SLC20A2: variants seen among roughly 807,000 people sequenced by gnomAD.
The protein encoded by SLC20A2 is sodium-dependent phosphate transporter 2.
SLC20A2 carries 30 observed loss-of-function variants against 61.0 expected under a neutral mutation model. The ratio of observed to expected loss-of-function variants is 0.49; its 90% CI spans 0.37 to 0.67. The LOEUF (loss-of-function observed/expected upper bound fraction) is 0.67. Among genes scored for constraint, SLC20A2 ranks in the 30% least tolerant of loss-of-function variants. The probability of loss-of-function intolerance (pLI) is 0.00; values close to 1 mark genes in which losing one functional copy is unlikely to be tolerated. For missense variants in SLC20A2, 626 were observed against 866.4 expected (o/e 0.72, Z 3.48); for synonymous variants, 351 against 353.3 (o/e 0.99, Z 0.07).
At position 42,439,549 on chromosome 8, in the gene SLC20A2, C is replaced by A; in HGVS notation, c.835G>T (p.Ala279Ser). The change falls in exon 7 of 11, where the codon GCT becomes TCT. Residue 279 changes from alanine to serine, a missense_variant. By Grantham distance (99) the Ala-to-Ser change is moderately conservative. Transcript: ENST00000520262. ...AGCGGGATGGTGCTGTCATCATTAGCCTTGGCACCTGGTAGCTCTTTAAAT... is the reference window on the plus strand; with the variant it reads ...AGCGGGATGGTGCTGTCATCATTAGACTTGGCACCTGGTAGCTCTTTAAAT... ...PVFKELPGAK[A>S]NDDSTIPLTG... 6.2e-7 allele frequency: 1 copy of A among 1,614,206 alleles called. No homozygotes were observed. Among genetic ancestry groups the A allele is most frequent in the East Asian group, 2.2e-5 (1 of 44,880 alleles).
At chr8:42,489,843 G>C (rs1208770778) in intron 1 of SLC20A2, among the ~76,000 whole-genome samples, 1 of 152,190 alleles carries the variant, frequency 6.6e-6, no homozygotes, top group Non-Finnish European at 1.5e-5. Flanking sequence ...AAGGGTTGAA[G>C]GCAGGGTCTG....
intron 2 of SLC20A2, among the ~76,000 whole-genome samples, chr8:42,467,625 A>G (rs1366908884): frequency 6.6e-6 from 1 of 152,208 alleles, no homozygotes; most frequent in Non-Finnish European, 1.5e-5. Flanking sequence ...CCATGAAGCA[A>G]CACACACAGT....
intron 5 of SLC20A2, among the ~76,000 whole-genome samples, chr8:42,455,241 A>AAATATAT (rs1416804518): frequency 9.7e-5 from 10 of 102,572 alleles, no homozygotes; most frequent in African/African-American, 5.0e-4. Context: ...AAAAAAAAAA[A>AAATATAT]ATATATATAT....
chr8:42,435,737 G>GGCGGCAGCTCCA (rs1191054403), intron 8 of SLC20A2, among the ~76,000 whole-genome samples: 15 of 152,156 alleles, frequency 9.9e-5, no homozygotes, highest in African/African-American at 2.7e-4. Context: ...TGCAGGCTCG[G>GGCGGCAGCTCCA]GCGGCAGCTC....
intron 10 of SLC20A2, among the ~76,000 whole-genome samples, chr8:42,421,907 A>G (rs1430854880): frequency 6.6e-6 from 1 of 152,070 alleles, no homozygotes; most frequent in African/African-American, 2.4e-5. Flanking sequence ...ATTATACTGA[A>G]GCTGCCTATA....
rs1804445586 is a variant in SLC20A2 at position 42,438,050 on chromosome 8, TAAAAAAAAAAACCAAAAAAAAAAAA to T, written c.935-498_935-474del. The stretch of plus-strand genomic sequence containing the variant: ...AAAGGACATGTAATATGGTTACCAC[TAAAAAAAAAAACCAAAAAAAAAAAA>T]AAAAAAAAAAAAAACATGGAAACAT... On this transcript the variant is annotated intron_variant, in intron 7 of 10. Coordinates refer to ENST00000520262, the MANE Select transcript of SLC20A2 (RefSeq NM_001257180.2). Among the ~76,000 whole-genome samples, 4 of 15,976 alleles carry T rather than the reference TAAAAAAAAAAACCAAAAAAAAAAAA, an allele frequency of 2.5e-4. No homozygotes were observed. In the East Asian group the frequency reaches 0.016, roughly 65 times the overall value. The allele number at this position is 15,976 out of a possible 152,430, so 10.5% of individuals were successfully genotyped here.
intron 10 of SLC20A2, among the ~76,000 whole-genome samples, chr8:42,427,870 T>C (rs1585994658): frequency 6.6e-6 from 1 of 152,230 alleles, no homozygotes; most frequent in East Asian, 1.9e-4. Flanking sequence ...CTCCTGGTGC[T>C]GAGAGCTCTG....
chr8:42,532,030 T>C (rs1812365169), intron 1 of SLC20A2, among the ~76,000 whole-genome samples: 1 of 151,464 alleles, frequency 6.6e-6, no homozygotes, highest in Non-Finnish European at 1.5e-5. Context: ...GGTTTCACCA[T>C]GTTGGCCAGG....
At chr8:42,434,837 T>G (rs150920000) in intron 8 of SLC20A2, among the ~76,000 whole-genome samples, 131 of 152,270 alleles carry the variant, frequency 8.6e-4, no homozygotes, top group African/African-American at 2.9e-3. Context: ...CCTAGATGCT[T>G]CCTTTGAAAT....
At chr8:42,435,988 GC>G (rs1804218606) in intron 8 of SLC20A2, among the ~76,000 whole-genome samples, 1 of 152,096 alleles carries the variant, frequency 6.6e-6, no homozygotes, top group Non-Finnish European at 1.5e-5. Flanking sequence ...AGGTTGGGGA[GC>G]CTGTAATCCC....
At chr8:42,471,218 A>G (rs1807612178) in intron 2 of SLC20A2, 1 of 456,106 alleles carries the variant, frequency 2.2e-6, no homozygotes, top group Admixed American at 2.3e-5. Flanking sequence ...GCAAGCAGAA[A>G]AAGAATCCTG....
At chr8:42,441,925 A>C (rs1804815366) in intron 6 of SLC20A2, among the ~76,000 whole-genome samples, 1 of 151,448 alleles carries the variant, frequency 6.6e-6, no homozygotes, top group Non-Finnish European at 1.5e-5. Context: ...ATGAAGTACA[A>C]TTTATCAAGT....
At chr8:42,477,021 T>C (rs1233962099) in intron 1 of SLC20A2, among the ~76,000 whole-genome samples, 1 of 152,200 alleles carries the variant, frequency 6.6e-6, no homozygotes, top group Non-Finnish European at 1.5e-5. Flanking sequence ...GCAATCAATA[T>C]GTGGTGACTG....
At chr8:42,466,207 T>C (rs975049908) in intron 2 of SLC20A2, among the ~76,000 whole-genome samples, 1 of 152,168 alleles carries the variant, frequency 6.6e-6, no homozygotes, top group Admixed American at 6.5e-5. Context: ...TGATCTTGGC[T>C]CACTGCAACC....
upstream of SLC20A2, among the ~76,000 whole-genome samples, chr8:42,501,802 G>A (rs1466864718): frequency 2.0e-5 from 3 of 152,172 alleles, no homozygotes; most frequent in Non-Finnish European, 4.4e-5. Flanking sequence ...CATTGTCCTT[G>A]GCAAGAAGCA....
chr8:42,474,640 C>T (rs1001271436), intron 1 of SLC20A2, among the ~76,000 whole-genome samples: 13 of 151,980 alleles, frequency 8.6e-5, no homozygotes, highest in Admixed American at 2.0e-4. Context: ...TCTTGTTTCC[C>T]GGGCTACCTT....
chr8:42,429,388 C>T (rs1261170003), intron 9 of SLC20A2, among the ~76,000 whole-genome samples: 2 of 152,266 alleles, frequency 1.3e-5, no homozygotes, highest in Admixed American at 1.3e-4. Context: ...ACCTGGGTTC[C>T]GGTCCTCCCC....
At chr8:42,431,011 T>C (rs987588570) in intron 8 of SLC20A2, among the ~76,000 whole-genome samples, 2 of 152,206 alleles carry the variant, frequency 1.3e-5, no homozygotes, top group African/African-American at 4.8e-5. Context: ...ATTGCTATAT[T>C]GAAATTAAGC....
chr8:42,505,384 C>T (rs534239505), upstream of SLC20A2, among the ~76,000 whole-genome samples: 31 of 152,232 alleles, frequency 2.0e-4, no homozygotes, highest in Admixed American at 1.0e-3. Flanking sequence ...CCACCCAACT[C>T]GGCCTCCCAA....
Sources: allele counts gnomAD v4.1 joint callset (sites outside exome capture counted in the v4.1 genomes callset), GRCh38; gene constraint gnomAD v4.1.1; transcripts MANE v1.5; gene names NCBI Gene and HGNC (gene_info 2026-07-23, HGNC 2026-07-21).